Variants in PROS1 observed in about 807,000 individuals in gnomAD.
The protein encoded by PROS1 is protein S.
A neutral mutation model predicts 75.9 loss-of-function variants in PROS1; 29 were observed. The observed-to-expected ratio is 0.38, with a 90% CI of 0.28 to 0.52. The LOEUF (loss-of-function observed/expected upper bound fraction) is 0.52. PROS1 is among the 20% of genes least tolerant of loss of function. PROS1 has a pLI of 0.83. For synonymous variants in PROS1, 245 were observed against 280.6 expected, an observed-to-expected ratio of 0.87 and a Z score of 1.27; for missense variants, 680 against 810.3, an observed-to-expected ratio of 0.84 and a Z score of 1.95.
chr3:93,965,143 G>T (rs1218551651), intron 1 of PROS1, among the ~76,000 whole-genome samples: 3 of 152,206 alleles, frequency 2.0e-5, no homozygotes, highest in Non-Finnish European at 4.4e-5. Flanking sequence ...AGCCGGCAAT[G>T]GCAACCCCCT....
At chr3:93,954,101 C>A (rs1238856252) in intron 1 of PROS1, among the ~76,000 whole-genome samples, 2 of 152,148 alleles carry the variant, frequency 1.3e-5, no homozygotes, top group African/African-American at 4.8e-5. Flanking sequence ...GAAGAACATT[C>A]CATGCTCATG....
rs535201753 is a variant in PROS1 at position 93,884,774 on chromosome 3, G to A, written c.1446C>T (p.Gly482=). 686 of 1,613,836 alleles carry A rather than the reference G, an allele frequency of 4.3e-4. 12 individuals carry two copies. In the South Asian group the frequency reaches 6.6e-3, roughly 15 times the overall value. The change falls in exon 12 of 15, where the codon GGC becomes GGT. Residue 482 remains glycine, a synonymous_variant. Transcript: ENST00000394236. ...CAATTCCAGAACCAGGATAGTAGGA[G>A]CCCTTCTCCACAGTAACCAGGCAAT... The part of the protein sequence containing the change: ...NKHCLVTVEK[G]SYYPGSGIAQ...
chr3:93,876,354 C>T (rs563582253), intron 14 of PROS1, among the ~76,000 whole-genome samples: 30 of 151,932 alleles, frequency 2.0e-4, no homozygotes, highest in African/African-American at 6.0e-4. Context: ...TTTGGGAGGC[C>T]GAGGCGAGCG....
At chr3:93,956,394 G>A (rs539637013) in intron 1 of PROS1, among the ~76,000 whole-genome samples, 2 of 152,206 alleles carry the variant, frequency 1.3e-5, no homozygotes, top group African/African-American at 4.8e-5. Context: ...CTACTCAAGA[G>A]GCTGAGGTAG....
chr3:93,913,560 T>TGC (rs1708792435), intron 3 of PROS1, among the ~76,000 whole-genome samples: 1 of 152,202 alleles, frequency 6.6e-6, no homozygotes, highest in Non-Finnish European at 1.5e-5. Flanking sequence ...AGGTATGTCT[T>TGC]TATTAGCAAC....
At position 93,879,251 on chromosome 3, in the gene PROS1, C is replaced by T. The variant is rs1187292131; in HGVS notation, c.1556G>A (p.Gly519Asp). Residue 519 changes from glycine (G) to aspartate (D), a missense_variant, in exon 13 of 15, where the codon GGC (glycine) becomes GAC (aspartate). Physicochemically the swap from Gly to Asp is moderately conservative, Grantham distance 94. Transcript: ENST00000394236. ...AACCAAGGCAAGCATAACACCAGTG[C>T]CCGTGGATGGACGAATATTCAAGGT... The part of the protein sequence containing the change: ...NVTLNIRPST[G>D]TGVMLALVSG... 1.9e-6 allele frequency: 3 copies of T among 1,614,034 alleles called. No individual in the cohort carries two copies. Among genetic ancestry groups the T allele is most frequent in the East Asian group, 2.2e-5 (1 of 44,862 alleles).
intron 1 of PROS1, among the ~76,000 whole-genome samples, chr3:93,935,951 A>G (rs1272573908): frequency 6.6e-6 from 1 of 150,796 alleles, no homozygotes; most frequent in Non-Finnish European, 1.5e-5. Flanking sequence ...ACTCAAGTCC[A>G]CATTAAAAAA....
At chr3:93,882,156 T>G (rs1708283109) in intron 12 of PROS1, among the ~76,000 whole-genome samples, 3 of 152,194 alleles carry the variant, frequency 2.0e-5, no homozygotes, top group Admixed American at 2.0e-4. Context: ...GCATACACTT[T>G]CTCATTCTGT....
At chr3:93,938,777 T>C (rs1380797467) in intron 1 of PROS1, among the ~76,000 whole-genome samples, 1 of 152,204 alleles carries the variant, frequency 6.6e-6, no homozygotes, top group African/African-American at 2.4e-5. Context: ...CAGCCTTCCC[T>C]TGGTGTTTAA....
intron 1 of PROS1, among the ~76,000 whole-genome samples, chr3:93,940,934 C>A (rs768002515): frequency 1.3e-5 from 2 of 152,158 alleles, no homozygotes; most frequent in Non-Finnish European, 2.9e-5. Context: ...TGCCTATCCA[C>A]CCTCTGGTGC....
In PROS1 at chr3:93,973,766, G is replaced by T. The variant is rs778142027; in HGVS notation, c.-17C>A. The T allele has an allele frequency of 6.2e-7, 1 of 1,606,242 alleles. No homozygotes were observed. Among genetic ancestry groups the T allele is most frequent in the East Asian group, 2.2e-5 (1 of 44,560 alleles). ...GACCCTCATTTCGAAGCGCGCGGAG[G>T]CGCCGGCAGGGACGGTGGCGCGTCG... On this transcript the variant is annotated 5_prime_UTR_variant, in exon 1 of 15. Transcript: ENST00000394236.
intron 2 of PROS1, among the ~76,000 whole-genome samples, chr3:93,924,706 A>G (rs1266907321): frequency 6.9e-6 from 1 of 145,244 alleles, no homozygotes; most frequent in African/African-American, 2.6e-5. Flanking sequence ...TGTGTCACCC[A>G]TGCTAGAGTG....
At chr3:93,924,315 A>G (rs764424644) in intron 2 of PROS1, 51 bp from the exon 3 acceptor site, 1 of 1,127,244 alleles carries the variant, frequency 8.9e-7, no homozygotes, top group South Asian at 1.9e-5. Context: ...ATTTCATTAT[A>G]GAGTTAAAAC....
chr3:93,924,328 A>G (rs1708986307), intron 2 of PROS1, 64 bp from the exon 3 acceptor site: 1 of 974,290 alleles, frequency 1.0e-6, no homozygotes. Context: ...GTTAAAACTT[A>G]ATTTTATAAT....
At chr3:93,892,803 G>A (rs976022320) in intron 10 of PROS1, 130 bp downstream of exon 10, 5 of 800,344 alleles carry the variant, frequency 6.2e-6, no homozygotes, top group Non-Finnish European at 1.1e-5. Context: ...TTTACAGTAT[G>A]TAGAATATAC....
At chr3:93,876,659 T>C (rs1453097478) in intron 14 of PROS1, among the ~76,000 whole-genome samples, 1 of 150,760 alleles carries the variant, frequency 6.6e-6, no homozygotes, top group Non-Finnish European at 1.5e-5. Flanking sequence ...GAATAAATAT[T>C]GGGTAAATTA....
chr3:93,927,542 GA>G (rs1157544433), intron 1 of PROS1, 135 bp from the exon 2 acceptor site: 14 of 1,083,968 alleles, frequency 1.3e-5, no homozygotes, highest in South Asian at 1.7e-5. Flanking sequence ...ATCGAACTAA[GA>G]AAAAAATGCA....
At chr3:93,898,322 CT>C in intron 8 of PROS1, 125 bp downstream of exon 8, 1 of 1,117,228 alleles carries the variant, frequency 9.0e-7, no homozygotes, top group Non-Finnish European at 1.3e-6. Flanking sequence ...GACTCATAAC[CT>C]GCTTAAAGCT....
chr3:93,886,435 A>C lies in PROS1; in HGVS notation c.1224T>G (p.Asn408Lys). ...KIAKEAVMDI[N>K]KPGPLFKPEN... ...CCGGCTTAAAAAGGGGTCCAGGTTT[A>C]TTTATATCCATCACAGCTTCTTTAG... Residue 408 changes from asparagine (N) to lysine (K), a missense_variant, in exon 11 of 15, where the codon AAT (asparagine) becomes AAG (lysine). Physicochemically the swap from Asn to Lys is moderately conservative, Grantham distance 94 (BLOSUM62 0). Transcript: ENST00000394236. 6.2e-7 allele frequency: 1 copy of C among 1,613,090 alleles called. No homozygotes were observed.
Sources: gnomAD v4.1 joint callset for allele counts (sites outside exome capture counted in the v4.1 genomes callset) on GRCh38, gnomAD v4.1.1 for gene constraint, MANE v1.5 for transcripts, NCBI Gene and HGNC (gene_info 2026-07-23, HGNC 2026-07-21) for gene names.